UST: variants seen among roughly 807,000 people sequenced by gnomAD.
The protein encoded by UST is uronyl 2-sulfotransferase, also known as chondroitin sulfate 2-O-sulfotransferase.
A neutral mutation model predicts 45.6 loss-of-function variants in UST; 21 were observed. The observed-to-expected ratio is 0.46, with a 90% CI of 0.33 to 0.66. The LOEUF is 0.66. Among genes scored for constraint, UST ranks in the 30% least tolerant of loss-of-function variants. The pLI is 0.02. For missense variants in UST, 463 were observed against 512.4 expected (o/e 0.90, Z 0.93); for synonymous variants, 215 against 200.6 (o/e 1.07, Z -0.61).
chr6:148,828,718 A>T (rs1777621391), intron 1 of UST, among the ~76,000 whole-genome samples: 1 of 152,150 alleles, frequency 6.6e-6, no homozygotes, highest in Non-Finnish European at 1.5e-5. Flanking sequence ...ATGATTGTTT[A>T]TTATTATTAT....
At chr6:148,873,288 G>A (rs530470278) in intron 1 of UST, among the ~76,000 whole-genome samples, 50 of 152,234 alleles carry the variant, frequency 3.3e-4, no homozygotes, top group Non-Finnish European at 6.3e-4. Flanking sequence ...AAGAAGACAG[G>A]AGGTGGCCAG....
chr6:149,045,138 G>T (rs1776379837), intron 7 of UST, among the ~76,000 whole-genome samples: 1 of 151,312 alleles, frequency 6.6e-6, no homozygotes, highest in Non-Finnish European at 1.5e-5. Context: ...TCCCAGGGCA[G>T]GGTCTTTACT....
intron 1 of UST, among the ~76,000 whole-genome samples, chr6:148,764,177 T>C (rs1045470405): frequency 6.6e-6 from 1 of 152,194 alleles, no homozygotes. Flanking sequence ...TTTTAATCAA[T>C]GTTTTATAAT....
chr6:148,889,401 A>G (rs1449356075), intron 2 of UST, among the ~76,000 whole-genome samples: 1 of 152,184 alleles, frequency 6.6e-6, no homozygotes, highest in Non-Finnish European at 1.5e-5. Context: ...TAGAGAAAAC[A>G]TTTTTAGAGG....
chr6:148,919,428 G>A (rs568837300), intron 2 of UST, among the ~76,000 whole-genome samples: 1 of 151,858 alleles, frequency 6.6e-6, no homozygotes, highest in Non-Finnish European at 1.5e-5. Context: ...GTGTGTGTGT[G>A]TGTGTGTGTG....
intron 2 of UST, among the ~76,000 whole-genome samples, chr6:148,925,499 C>T (rs928409767): frequency 1.3e-5 from 2 of 151,946 alleles, no homozygotes; most frequent in African/African-American, 4.8e-5. Context: ...TAGGTTTTTT[C>T]CAAAGGTTGC....
rs1776281947 is a variant in UST, at chr6:149,039,557, A to C, written c.937+18076A>C. Among the ~76,000 whole-genome samples, 2 of 152,222 alleles carry C rather than the reference A, an allele frequency of 1.3e-5. 1 individual carries two copies. The highest frequency in any genetic ancestry group is 4.1e-4 in the South Asian group (2 of 4,836). On this transcript the variant is annotated intron_variant, in intron 7 of 7. Coordinates refer to ENST00000367463, the MANE Select transcript of UST (RefSeq NM_005715.3). ...CGGCAAGTTAGATATTAGCATTGCT[A>C]TTCTACAAAGGACAAAACACAGCCA...
intron 7 of UST, among the ~76,000 whole-genome samples, chr6:149,037,836 C>T (rs1776258636): frequency 6.6e-6 from 1 of 152,148 alleles, no homozygotes; most frequent in Non-Finnish European, 1.5e-5. Flanking sequence ...GAAAACAATC[C>T]GAGGTTATTG....
At chr6:149,053,813 C>T (rs566474477) in intron 7 of UST, among the ~76,000 whole-genome samples, 1 of 152,326 alleles carries the variant, frequency 6.6e-6, no homozygotes, top group East Asian at 1.9e-4. Context: ...GCCTTCAAAG[C>T]ATTCTCTCAG....
At chr6:149,059,049 C>G (rs1253621837) in intron 7 of UST, among the ~76,000 whole-genome samples, 1 of 152,194 alleles carries the variant, frequency 6.6e-6, no homozygotes, top group Non-Finnish European at 1.5e-5. Context: ...AGAAACATAG[C>G]AACTTGCCCT....
chr6:148,876,199 A>C (rs1778648406), intron 1 of UST, among the ~76,000 whole-genome samples: 1 of 152,064 alleles, frequency 6.6e-6, no homozygotes, highest in Admixed American at 6.5e-5. Flanking sequence ...TGGGAGCAAG[A>C]GAGAGAGTGG....
intron 1 of UST, among the ~76,000 whole-genome samples, chr6:148,813,626 C>T (rs1441008205): frequency 2.6e-5 from 4 of 152,162 alleles, no homozygotes; most frequent in African/African-American, 9.6e-5. Flanking sequence ...GTGATCCACC[C>T]ACCTTGGCCT....
At chr6:148,939,332 G>C (rs1052856165) in intron 2 of UST, among the ~76,000 whole-genome samples, 3 of 152,138 alleles carry the variant, frequency 2.0e-5, no homozygotes, top group African/African-American at 7.2e-5. Context: ...TTTTTGGGCA[G>C]ATATTAGCAA....
intron 2 of UST, among the ~76,000 whole-genome samples, chr6:148,901,511 T>C (rs533312930): frequency 6.6e-6 from 1 of 151,198 alleles, no homozygotes; most frequent in East Asian, 1.9e-4. Context: ...GAGGGGCACG[T>C]AGGGAGACTT....
At chr6:149,014,066 CA>C (rs1775859652) in intron 5 of UST, among the ~76,000 whole-genome samples, 1 of 152,234 alleles carries the variant, frequency 6.6e-6, no homozygotes, top group South Asian at 2.1e-4. Flanking sequence ...TTTTATGTCT[CA>C]GGCAGAAGCA....
At chr6:148,865,723 GAA>G (rs1337078953) in intron 1 of UST, among the ~76,000 whole-genome samples, 1 of 148,606 alleles carries the variant, frequency 6.7e-6, no homozygotes, top group Non-Finnish European at 1.5e-5. Flanking sequence ...TGAATTCAGA[GAA>G]GAGGCAAATT....
intron 2 of UST, among the ~76,000 whole-genome samples, chr6:148,938,785 T>TAAAA (rs1780067308): frequency 6.6e-6 from 1 of 150,984 alleles, no homozygotes; most frequent in Non-Finnish European, 1.5e-5. Flanking sequence ...GATAATAGTA[T>TAAAA]AAATAGTATA....
chr6:148,898,262 G>A (rs1007301293), intron 2 of UST, among the ~76,000 whole-genome samples: 3 of 152,088 alleles, frequency 2.0e-5, no homozygotes, highest in African/African-American at 7.2e-5. Flanking sequence ...TTAATGATGT[G>A]AACATTTTAT....
chr6:148,859,295 G>A (rs1778263435), intron 1 of UST, among the ~76,000 whole-genome samples: 1 of 152,220 alleles, frequency 6.6e-6, no homozygotes, highest in African/African-American at 2.4e-5. Context: ...GTCTTCTTTT[G>A]AGAAGTGTCT....
Sources: gnomAD v4.1 joint callset for allele counts (sites outside exome capture counted in the v4.1 genomes callset) on GRCh38, gnomAD v4.1.1 for gene constraint, MANE v1.5 for transcripts, NCBI Gene and HGNC (gene_info 2026-07-23, HGNC 2026-07-21) for gene names.